The following SPATA17 variants were observed in gnomAD, a reference collection of about 807,000 sequenced individuals.
SPATA17 encodes spermatogenesis-associated protein 17.
A neutral mutation model predicts 62.2 loss-of-function variants in SPATA17; 53 were observed. That is an observed-to-expected ratio of 0.85 (90% confidence interval 0.68 to 1.07). SPATA17 has a LOEUF of 1.07. Among genes scored for constraint, SPATA17 ranks in the 50% least tolerant of loss-of-function variants. The pLI is 0.00. For synonymous variants in SPATA17, 146 were observed against 146.8 expected, an observed-to-expected ratio of 0.99 and a Z score of 0.04; for missense variants, 466 against 425.5, an observed-to-expected ratio of 1.10 and a Z score of -0.84.
intron 5 of SPATA17, among the ~76,000 whole-genome samples, chr1:217,741,028 A>T (rs1266040771): frequency 1.3e-5 from 2 of 152,162 alleles, no homozygotes; most frequent in African/African-American, 4.8e-5. Flanking sequence ...TAGAAAGGAG[A>T]ATCTTTTATT....
At chr1:217,699,979 G>T (rs1671553542) in intron 5 of SPATA17, among the ~76,000 whole-genome samples, 6 of 152,138 alleles carry the variant, frequency 3.9e-5, no homozygotes, top group Admixed American at 3.9e-4. Context: ...GTATCATTAT[G>T]TGGGTCTATT....
chr1:217,801,446 A>T, intron 8 of SPATA17, among the ~76,000 whole-genome samples: 1 of 152,324 alleles, frequency 6.6e-6, no homozygotes. Context: ...TAAATGTATT[A>T]TTTAACATTA....
intron 9 of SPATA17, among the ~76,000 whole-genome samples, chr1:217,853,336 T>C (rs1325659723): frequency 6.6e-6 from 1 of 152,216 alleles, no homozygotes; most frequent in African/African-American, 2.4e-5. Flanking sequence ...CAGGTTATAA[T>C]CTATATATGG....
chr1:217,652,138 A>G (rs1670329264), intron 3 of SPATA17, among the ~76,000 whole-genome samples: 1 of 152,240 alleles, frequency 6.6e-6, no homozygotes, highest in Non-Finnish European at 1.5e-5. Context: ...GATGAATAGA[A>G]GAATGAACAA....
chr1:217,669,661 A>G (rs899728646), intron 4 of SPATA17, among the ~76,000 whole-genome samples: 2 of 152,210 alleles, frequency 1.3e-5, no homozygotes, highest in Non-Finnish European at 2.9e-5. Context: ...CAATATGATA[A>G]TAATTTAATT....
intron 5 of SPATA17, among the ~76,000 whole-genome samples, chr1:217,719,014 T>C (rs1350367583): frequency 6.6e-6 from 1 of 152,198 alleles, no homozygotes; most frequent in Non-Finnish European, 1.5e-5. Context: ...TGCAATATCA[T>C]TGAAAGTTCC....
At chr1:217,840,739 G>A (rs1024218278) in intron 9 of SPATA17, among the ~76,000 whole-genome samples, 3 of 151,896 alleles carry the variant, frequency 2.0e-5, no homozygotes, top group African/African-American at 7.3e-5. Context: ...TGCACCTGGA[G>A]TCCCAGCTAT....
intron 9 of SPATA17, among the ~76,000 whole-genome samples, chr1:217,819,276 G>T (rs1674802769): frequency 6.6e-6 from 1 of 151,418 alleles, no homozygotes; most frequent in South Asian, 2.1e-4. Flanking sequence ...ATACTTTTCT[G>T]TTAGTATGGT....
intron 8 of SPATA17, among the ~76,000 whole-genome samples, chr1:217,791,817 T>G (rs564918977): frequency 6.6e-6 from 1 of 152,226 alleles, no homozygotes; most frequent in African/African-American, 2.4e-5. Context: ...ATGGAGATGT[T>G]TTAGAAATGG....
intron 8 of SPATA17, among the ~76,000 whole-genome samples, chr1:217,790,370 C>A (rs1032501920): frequency 1.3e-5 from 2 of 152,152 alleles, no homozygotes; most frequent in Non-Finnish European, 2.9e-5. Context: ...TGCTTGGTGT[C>A]CACAGACCCC....
intron 9 of SPATA17, among the ~76,000 whole-genome samples, chr1:217,810,405 C>G (rs970488565): frequency 2.6e-5 from 4 of 152,012 alleles, no homozygotes; most frequent in Admixed American, 6.6e-5. Context: ...AGGCGGATCA[C>G]AGAGTCAGGA....
intron 5 of SPATA17, among the ~76,000 whole-genome samples, chr1:217,688,899 C>T (rs951903934): frequency 2.6e-5 from 4 of 152,126 alleles, no homozygotes; most frequent in Non-Finnish European, 5.9e-5. Context: ...GTGCCTAGCA[C>T]AGTTACTGAT....
chr1:217,841,910 ATTTC>A (rs1440688664), intron 9 of SPATA17, among the ~76,000 whole-genome samples: 6 of 151,408 alleles, frequency 4.0e-5, no homozygotes, highest in Non-Finnish European at 7.4e-5. Flanking sequence ...CAAAAGTTTT[ATTTC>A]TTCCATTTTC....
intron 6 of SPATA17, among the ~76,000 whole-genome samples, chr1:217,765,827 T>C (rs1339127265): frequency 6.6e-6 from 1 of 152,060 alleles, no homozygotes; most frequent in African/African-American, 2.4e-5. Context: ...CCTCACATAT[T>C]TTGATGCTTT....
At chr1:217,764,385 G>A (rs974014812) in intron 6 of SPATA17, among the ~76,000 whole-genome samples, 1 of 152,010 alleles carries the variant, frequency 6.6e-6, no homozygotes, top group African/African-American at 2.4e-5. Flanking sequence ...TGCATTTAAG[G>A]TTTCTGCATG....
At chr1:217,793,664 G>A (rs575900310) in intron 8 of SPATA17, among the ~76,000 whole-genome samples, 1 of 152,278 alleles carries the variant, frequency 6.6e-6, no homozygotes, top group African/African-American at 2.4e-5. Flanking sequence ...CAAATGCACA[G>A]TTCTGGTTAA....
Position 217,733,040 on chromosome 1 carries a change from A to C in SPATA17, c.396-8935A>C, listed in dbSNP as rs1034180206. Reference sequence around the variant, plus strand: ...GAAAAAAAAATGATTTTCATGAATGATCTTTGAATGGAGTCTTATTGCTTT... The same window carrying C: ...GAAAAAAAAATGATTTTCATGAATGCTCTTTGAATGGAGTCTTATTGCTTT... On this transcript the variant is annotated intron_variant, in intron 5 of 10. Coordinates refer to ENST00000366933, the MANE Select transcript of SPATA17 (RefSeq NM_138796.4). 3.3e-5 allele frequency among the ~76,000 whole-genome samples: 5 copies of C among 152,164 alleles called. No homozygotes were observed. The East Asian group carries it at 9.6e-4, about 29-fold the overall frequency.
At position 217,726,711 on chromosome 1, in the gene SPATA17, T is replaced by TTG. The variant is rs540009507; in HGVS notation, c.396-15258_396-15257dup. Among the ~76,000 whole-genome samples, 59 of 144,102 alleles carry TTG rather than the reference T, an allele frequency of 4.1e-4. 1 individual carries two copies. The highest frequency in any genetic ancestry group is 9.1e-4 in the African/African-American group (34 of 37,412). The allele number at this position is 144,102 out of a possible 152,430, so 94.5% of individuals were successfully genotyped here. ...GTATTTCCCTTGTTTTCCCATATTT[T>TTG]TGTGTGTTTTTTTTTTCATTTTGGC... On this transcript the variant is annotated intron_variant, in intron 5 of 10. Transcript: ENST00000366933.
chr1:217,661,876 A>C (rs1323705115), intron 3 of SPATA17, among the ~76,000 whole-genome samples: 1 of 152,174 alleles, frequency 6.6e-6, no homozygotes, highest in Non-Finnish European at 1.5e-5. Context: ...TTATACAATC[A>C]AATAGTCCTA....
Sources: gnomAD v4.1 joint callset for allele counts (sites outside exome capture counted in the v4.1 genomes callset) on GRCh38, gnomAD v4.1.1 for gene constraint, MANE v1.5 for transcripts, NCBI Gene and HGNC (gene_info 2026-07-23, HGNC 2026-07-21) for gene names.